LSAMP: variants seen among roughly 807,000 people sequenced by gnomAD.
The protein encoded by LSAMP is limbic system associated membrane protein, also known as limbic system-associated membrane protein.
In LSAMP, 7 loss-of-function variants were observed where a neutral mutation model predicts 38.6. The ratio of observed to expected loss-of-function variants is 0.18; its 90% confidence interval spans 0.10 to 0.34. LSAMP has a LOEUF of 0.34. Among genes scored for constraint, LSAMP ranks in the 10% least tolerant of loss-of-function variants. The probability of loss-of-function intolerance (pLI) is 1.00; values close to 1 mark genes in which losing one functional copy is unlikely to be tolerated. For synonymous variants in LSAMP, 154 were observed against 166.8 expected (o/e 0.92, Z 0.59); for missense variants, 313 against 420.0 (o/e 0.75, Z 2.23).
chr3:116,231,648 C>T (rs1186458468), intron 1 of LSAMP, among the ~76,000 whole-genome samples: 1 of 152,014 alleles, frequency 6.6e-6, no homozygotes, highest in Non-Finnish European at 1.5e-5. Flanking sequence ...GAGAAGTGGG[C>T]AATTAAGGGC....
intron 1 of LSAMP, among the ~76,000 whole-genome samples, chr3:116,273,394 G>A (rs1295031038): frequency 6.6e-6 from 1 of 151,708 alleles, no homozygotes; most frequent in African/African-American, 2.4e-5. Context: ...ATTCATGTAA[G>A]AAGCATTTAA....
chr3:116,436,668 AT>A (rs1486730848), intron 1 of LSAMP, among the ~76,000 whole-genome samples: 1 of 152,182 alleles, frequency 6.6e-6, no homozygotes, highest in African/African-American at 2.4e-5. Context: ...TACTCAAAGA[AT>A]CAAAACACAA....
intron 3 of LSAMP, among the ~76,000 whole-genome samples, chr3:115,889,505 A>C (rs1377176919): frequency 6.6e-6 from 1 of 151,804 alleles, no homozygotes; most frequent in East Asian, 1.9e-4. Flanking sequence ...TCCAGGCAAA[A>C]CTGATATTTC....
chr3:116,418,956 T>C (rs973764616), intron 1 of LSAMP, among the ~76,000 whole-genome samples: 4 of 152,222 alleles, frequency 2.6e-5, no homozygotes, highest in Non-Finnish European at 5.9e-5. Context: ...TGTATGTATC[T>C]GTGCTTTTGC....
At chr3:116,275,275 A>T (rs374185586) in intron 1 of LSAMP, among the ~76,000 whole-genome samples, 1 of 151,996 alleles carries the variant, frequency 6.6e-6, no homozygotes, top group African/African-American at 2.4e-5. Flanking sequence ...CTGGTCTGGA[A>T]CTCCTAGGCT....
At chr3:116,024,513 A>T (rs2107694263) in intron 2 of LSAMP, among the ~76,000 whole-genome samples, 1 of 152,348 alleles carries the variant, frequency 6.6e-6, no homozygotes, top group Middle Eastern at 3.4e-3. Context: ...TATTTCAGGA[A>T]CATAGGAACC....
At chr3:115,812,344 C>A (rs1299037076) in intron 6 of LSAMP, among the ~76,000 whole-genome samples, 1 of 152,106 alleles carries the variant, frequency 6.6e-6, no homozygotes, top group Non-Finnish European at 1.5e-5. Context: ...CAGGTTCATG[C>A]ATTTCATGAG....
intron 3 of LSAMP, among the ~76,000 whole-genome samples, chr3:116,008,647 A>G (rs1401567511): frequency 2.6e-5 from 4 of 152,126 alleles, no homozygotes; most frequent in Non-Finnish European, 5.9e-5. Context: ...TAAGTATTCA[A>G]TGACAAAGTA....
At chr3:116,377,658 A>G (rs1291511574) in intron 1 of LSAMP, among the ~76,000 whole-genome samples, 2 of 151,858 alleles carry the variant, frequency 1.3e-5, no homozygotes, top group East Asian at 1.9e-4. Flanking sequence ...CTCAGTATTT[A>G]TTGGTCAATG....
intron 6 of LSAMP, among the ~76,000 whole-genome samples, chr3:115,839,680 T>C (rs981825261): frequency 2.6e-5 from 4 of 152,202 alleles, no homozygotes; most frequent in Non-Finnish European, 5.9e-5. Flanking sequence ...CTAAACCAAA[T>C]GCTGATGCAT....
intron 3 of LSAMP, among the ~76,000 whole-genome samples, chr3:115,891,108 A>G (rs1387735981): frequency 6.6e-6 from 1 of 151,946 alleles, no homozygotes; most frequent in Non-Finnish European, 1.5e-5. Context: ...ACTTTCAGTT[A>G]TATGTGAAGG....
intron 1 of LSAMP, among the ~76,000 whole-genome samples, chr3:116,103,557 CTT>C (rs547545490): frequency 1.2e-4 from 14 of 117,904 alleles, no homozygotes; most frequent in Non-Finnish European, 2.3e-4. Context: ...CTCATTCCAT[CTT>C]TTTTTTTTTT....
intron 1 of LSAMP, among the ~76,000 whole-genome samples, chr3:116,387,825 A>G (rs763830951): frequency 1.3e-5 from 2 of 152,240 alleles, no homozygotes; most frequent in South Asian, 2.1e-4. Flanking sequence ...CGGGCGCAGT[A>G]TCTCACGCCT....
chr3:116,104,619 C>G (rs750522375), intron 1 of LSAMP, among the ~76,000 whole-genome samples: 19 of 152,202 alleles, frequency 1.2e-4, no homozygotes, highest in Non-Finnish European at 2.5e-4. Context: ...AGGTCAGATA[C>G]TGGAGTTGCA....
chr3:116,111,758 T>C (rs1482587321), intron 1 of LSAMP, among the ~76,000 whole-genome samples: 1 of 152,222 alleles, frequency 6.6e-6, no homozygotes, highest in African/African-American at 2.4e-5. Context: ...CTAATGACAC[T>C]TATTCCGTTT....
chr3:115,837,828 A>T (rs2107496142), intron 6 of LSAMP: 1 of 152,326 alleles, frequency 6.6e-6, no homozygotes, highest in Non-Finnish European at 1.5e-5. Context: ...TGCACTAGTC[A>T]CTTAACTTTT....
chr3:116,190,088 GACACACACACAC>G lies in LSAMP; in HGVS notation c.156-103544_156-103533del, dbSNP rs3071108. ...ACTATGAGCCTCAGGTCCAGTAGTAGACACACACACACACACACACACACACACACACACACA... is the reference window on the plus strand; with the variant it reads ...ACTATGAGCCTCAGGTCCAGTAGTAGACACACACACACACACACACACACA... On this transcript the variant is annotated intron_variant, in intron 1 of 6. Coordinates refer to ENST00000490035, the MANE Select transcript of LSAMP (RefSeq NM_002338.5). 2.4e-3 allele frequency among the ~76,000 whole-genome samples: 342 copies of G among 142,802 alleles called. 1 individual carries two copies. The highest frequency in any genetic ancestry group is 5.5e-3 in the African/African-American group (199 of 36,324). 93.7% of individuals were successfully genotyped at this position (142,802 alleles called of 152,430 possible).
chr3:115,928,973 G>GTTTTTTTTTTTTTTTTTTTTTTTTTT (rs67711628), intron 3 of LSAMP, among the ~76,000 whole-genome samples: 2 of 109,928 alleles, frequency 1.8e-5, no homozygotes, highest in African/African-American at 7.1e-5. Context: ...TTTTTTGTTT[G>GTTTTTTTTTTTTTTTTTTTTTTTTTT]TTTTTTTTTT....
intron 3 of LSAMP, among the ~76,000 whole-genome samples, chr3:116,016,650 A>G (rs183493544): frequency 3.9e-5 from 6 of 152,280 alleles, no homozygotes; most frequent in Admixed American, 3.9e-4. Context: ...CTTTATTGCA[A>G]TTATTCAGTG....
Sources: allele counts gnomAD v4.1 joint callset (sites outside exome capture counted in the v4.1 genomes callset), GRCh38; gene constraint gnomAD v4.1.1; transcripts MANE v1.5; gene names NCBI Gene and HGNC (gene_info 2026-07-23, HGNC 2026-07-21).